The following RNLS variants were observed in gnomAD, a reference collection of about 807,000 sequenced individuals.
RNLS encodes renalase.
Under a neutral mutation model 39.8 loss-of-function variants are expected in RNLS, and 39 were observed. That is an observed-to-expected ratio of 0.98 (90% CI 0.76 to 1.28). RNLS has a LOEUF of 1.28. Ranked by LOEUF, RNLS falls within the 50% of genes most tolerant of loss-of-function variation. The pLI, the probability that RNLS is intolerant of heterozygous loss-of-function variation, is 0.00. For missense variants in RNLS, 410 were observed against 413.3 expected (o/e 0.99, Z 0.07); for synonymous variants, 147 against 150.7 (o/e 0.98, Z 0.18).
At chr10:88,580,223 T>G (rs1436895995) in intron 3 of RNLS, among the ~76,000 whole-genome samples, 1 of 152,162 alleles carries the variant, frequency 6.6e-6, no homozygotes, top group Non-Finnish European at 1.5e-5. Context: ...CATATACACA[T>G]GCATGCACAC....
At chr10:88,206,680 T>C in the RNLS span, among the ~76,000 whole-genome samples, 4 of 152,302 alleles carry the variant, frequency 2.6e-5, no homozygotes, top group East Asian at 3.9e-4. Flanking sequence ...AGATTGCTAA[T>C]ACATCTTGCT....
chr10:88,273,120 A>G (rs1196603683), downstream of RNLS, among the ~76,000 whole-genome samples: 1 of 151,854 alleles, frequency 6.6e-6, no homozygotes, highest in Non-Finnish European at 1.5e-5. Context: ...GCAGAAAGAA[A>G]CTCCCAGAGG....
chr10:88,344,137 T>C (rs112479609), intron 5 of RNLS, among the ~76,000 whole-genome samples: 364 of 152,348 alleles, frequency 2.4e-3, no homozygotes, highest in Admixed American at 4.2e-3. Context: ...TGAGCCAGCA[T>C]ACTGGTTTGC....
chr10:88,393,418 A>C (rs1344490935), intron 4 of RNLS, among the ~76,000 whole-genome samples: 1 of 152,114 alleles, frequency 6.6e-6, no homozygotes, highest in Non-Finnish European at 1.5e-5. Flanking sequence ...AGAGAGCCAA[A>C]TCATGAGTGA....
At chr10:88,437,871 A>G (rs189296487) in intron 4 of RNLS, among the ~76,000 whole-genome samples, 56 of 152,218 alleles carry the variant, frequency 3.7e-4, no homozygotes, top group Middle Eastern at 3.4e-3. Context: ...TCATGCCTGT[A>G]ATCTCAGCAC....
chr10:88,251,790 C>G, the RNLS span, among the ~76,000 whole-genome samples: 4 of 152,164 alleles, frequency 2.6e-5, no homozygotes, highest in African/African-American at 9.7e-5. Context: ...GGAACTGAAA[C>G]CTCTGAGACC....
chr10:88,398,012 G>C (rs546806679), intron 4 of RNLS, among the ~76,000 whole-genome samples: 1 of 152,026 alleles, frequency 6.6e-6, no homozygotes, highest in Non-Finnish European at 1.5e-5. Context: ...AAATGGTTCT[G>C]GGGCAACTGG....
At chr10:88,488,158 T>C (rs1268644129) in intron 4 of RNLS, among the ~76,000 whole-genome samples, 1 of 152,166 alleles carries the variant, frequency 6.6e-6, no homozygotes, top group Non-Finnish European at 1.5e-5. Flanking sequence ...TTTTAAGTGG[T>C]TTCATGAGTG....
At chr10:88,521,184 G>A (rs532081200) in intron 4 of RNLS, among the ~76,000 whole-genome samples, 3 of 151,834 alleles carry the variant, frequency 2.0e-5, no homozygotes, top group African/African-American at 7.3e-5. Context: ...TAAAATGTAG[G>A]TGATTTCATC....
chr10:88,582,904 A>G (rs1850710412), intron 1 of RNLS, among the ~76,000 whole-genome samples, 169 bp downstream of exon 1: 1 of 151,854 alleles, frequency 6.6e-6, no homozygotes, highest in Non-Finnish European at 1.5e-5. Context: ...GAAGTCCCCG[A>G]TCACGTGACG....
chr10:88,445,160 C>A (rs943800480), intron 4 of RNLS, among the ~76,000 whole-genome samples: 1 of 152,146 alleles, frequency 6.6e-6, no homozygotes. Context: ...TGAGGACCAA[C>A]ATTCAACATT....
intron 4 of RNLS, among the ~76,000 whole-genome samples, chr10:88,531,465 A>C (rs1400825336): frequency 6.6e-6 from 1 of 152,096 alleles, no homozygotes; most frequent in African/African-American, 2.4e-5. Context: ...AGTCTAGATA[A>C]AAGCTTTATA....
At chr10:88,221,816 CT>C in the RNLS span, among the ~76,000 whole-genome samples, 20 of 150,178 alleles carry the variant, frequency 1.3e-4, 1 homozygote, top group Admixed American at 4.0e-4. Context: ...AATTGTGGCA[CT>C]TTTTTTTTTC....
intron 4 of RNLS, among the ~76,000 whole-genome samples, chr10:88,440,059 A>G (rs1025390412): frequency 3.3e-5 from 5 of 152,154 alleles, no homozygotes; most frequent in South Asian, 4.1e-4. Context: ...GGCAAGGGCT[A>G]TATCTTCATC....
chr10:88,364,747 T>C (rs1325019112), intron 4 of RNLS, among the ~76,000 whole-genome samples: 1 of 152,164 alleles, frequency 6.6e-6, no homozygotes, highest in Non-Finnish European at 1.5e-5. Context: ...TGATCTGACA[T>C]TGGCCTCATT....
chr10:88,448,867 G>A (rs1842197501), intron 4 of RNLS, among the ~76,000 whole-genome samples: 1 of 152,160 alleles, frequency 6.6e-6, no homozygotes, highest in Non-Finnish European at 1.5e-5. Context: ...GGATGAAGCT[G>A]GAAACCATCA....
chr10:88,236,113 G>A, the RNLS span, among the ~76,000 whole-genome samples: 3 of 152,162 alleles, frequency 2.0e-5, no homozygotes, highest in Non-Finnish European at 4.4e-5. Context: ...ATATGGCAAG[G>A]TTTCTAAAAT....
At chr10:88,554,074 A>G (rs1419518375) in intron 4 of RNLS, among the ~76,000 whole-genome samples, 1 of 152,038 alleles carries the variant, frequency 6.6e-6, no homozygotes, top group Non-Finnish European at 1.5e-5. Context: ...ATTAGTTGTC[A>G]GTTTTACATA....
chr10:88,433,138 T>C (rs1855235138), intron 4 of RNLS, among the ~76,000 whole-genome samples: 2 of 152,064 alleles, frequency 1.3e-5, no homozygotes, highest in South Asian at 4.1e-4. Context: ...TACATATTTC[T>C]GTGATTTTTT....
Sources: allele counts gnomAD v4.1 joint callset (sites outside exome capture counted in the v4.1 genomes callset), GRCh38; gene constraint gnomAD v4.1.1; transcripts MANE v1.5; gene names NCBI Gene and HGNC (gene_info 2026-07-23, HGNC 2026-07-21).